The following HSD17B11 variants were observed in gnomAD, a reference collection of about 807,000 sequenced individuals.
The protein encoded by HSD17B11 is hydroxysteroid 17-beta dehydrogenase 11, also known as estradiol 17-beta-dehydrogenase 11.
In HSD17B11, 22 loss-of-function variants were observed where a neutral mutation model predicts 27.8. The observed-to-expected ratio is 0.79, with a 90% confidence interval of 0.56 to 1.13. The LOEUF is 1.13. HSD17B11 is among the 50% of genes most tolerant of loss of function. HSD17B11 has a pLI of 0.00. For synonymous variants in HSD17B11, 117 were observed against 132.8 expected (o/e 0.88, Z 0.82); for missense variants, 314 against 351.1 (o/e 0.89, Z 0.84).
At chr4:87,340,433 G>A in intron 6 of HSD17B11, 57 bp downstream of exon 6, 24 of 1,078,700 alleles carry the variant, frequency 2.2e-5, no homozygotes, top group Non-Finnish European at 3.1e-5. Context: ...AGTAAAAAAT[G>A]CAATAGATAA....
intron 1 of HSD17B11, among the ~76,000 whole-genome samples, chr4:87,389,194 TTAC>T (rs1720391445): frequency 6.6e-6 from 1 of 152,116 alleles, no homozygotes; most frequent in Non-Finnish European, 1.5e-5. Context: ...GCTCTTGTAA[TTAC>T]TTTTTTATTT....
At chr4:87,367,973 G>A (rs1260867216) in intron 4 of HSD17B11, among the ~76,000 whole-genome samples, 1 of 152,158 alleles carries the variant, frequency 6.6e-6, no homozygotes, top group Non-Finnish European at 1.5e-5. Flanking sequence ...CTTACTAAAT[G>A]TTTTCTTAAA....
intron 5 of HSD17B11, among the ~76,000 whole-genome samples, chr4:87,354,949 C>CAA (rs11305478): frequency 0.15 from 14,058 of 91,634 alleles, 1,011 homozygotes; most frequent in African/African-American, 0.21. Flanking sequence ...TCCTGGCTCT[C>CAA]AAAAAAAAAA....
At chr4:87,380,484 A>ATG (rs111503563) in intron 2 of HSD17B11, among the ~76,000 whole-genome samples, 1 of 138,644 alleles carries the variant, frequency 7.2e-6, no homozygotes, top group Non-Finnish European at 1.5e-5. Flanking sequence ...AAAAAAAAAA[A>ATG]AAAAGAAAAA....
chr4:87,343,311 T>C (rs1735205024), intron 5 of HSD17B11, among the ~76,000 whole-genome samples: 2 of 152,156 alleles, frequency 1.3e-5, no homozygotes, highest in African/African-American at 4.8e-5. Context: ...ACATTTTTTT[T>C]CCCAATACGC....
chr4:87,357,481 C>T (rs1315448000), intron 4 of HSD17B11, 65 bp from the exon 5 acceptor site: 1 of 1,485,720 alleles, frequency 6.7e-7, no homozygotes, highest in East Asian at 2.4e-5. Context: ...TTCCTCAGTT[C>T]AGCATGGTCC....
intron 4 of HSD17B11, among the ~76,000 whole-genome samples, chr4:87,363,224 G>C (rs1167632226): frequency 6.6e-6 from 1 of 152,076 alleles, no homozygotes; most frequent in Non-Finnish European, 1.5e-5. Context: ...CCAGAAGCCT[G>C]GCATGCCAGC....
chr4:87,384,153 C>T (rs576932362), intron 1 of HSD17B11, among the ~76,000 whole-genome samples: 6 of 152,232 alleles, frequency 3.9e-5, no homozygotes, highest in East Asian at 1.9e-4. Context: ...GCTGGAGCCG[C>T]GGCAAAGAAC....
intron 4 of HSD17B11, among the ~76,000 whole-genome samples, chr4:87,370,877 C>T (rs1467270023): frequency 5.6e-5 from 7 of 124,386 alleles, no homozygotes; most frequent in Admixed American, 4.9e-4. Flanking sequence ...CTCAGCCTCC[C>T]GAGTAGCTGG....
At chr4:87,363,316 AG>A (rs1392436160) in intron 4 of HSD17B11, among the ~76,000 whole-genome samples, 1 of 152,214 alleles carries the variant, frequency 6.6e-6, no homozygotes, top group Non-Finnish European at 1.5e-5. Flanking sequence ...AAAAAAAATC[AG>A]TGTTTATCAC....
At position 87,384,546 on chromosome 4, in the gene HSD17B11, C is replaced by T. The variant is rs185456596; in HGVS notation, c.211-2184G>A. Among the ~76,000 whole-genome samples, 403 of 152,190 alleles carry T rather than the reference C, an allele frequency of 2.6e-3. 4 individuals carry two copies. The highest frequency in any genetic ancestry group is 9.4e-3 in the African/African-American group (389 of 41,496). On this transcript the variant is annotated intron_variant, in intron 1 of 6. Transcript: ENST00000358290. ...TTCTTTTCCTAGCAAGGAATATTAA[C>T]ATTAATACCTTGGGAAAGGAATGCA...
chr4:87,380,122 AC>A (rs910881511), intron 2 of HSD17B11, among the ~76,000 whole-genome samples: 20 of 147,588 alleles, frequency 1.4e-4, no homozygotes, highest in East Asian at 6.0e-4. Flanking sequence ...AAAAAAAAAA[AC>A]GTTCTGATAC....
At chr4:87,359,134 C>T (rs1459415234) in intron 4 of HSD17B11, among the ~76,000 whole-genome samples, 3 of 152,268 alleles carry the variant, frequency 2.0e-5, no homozygotes, top group East Asian at 1.9e-4. Flanking sequence ...GAGGCCTCCC[C>T]AGCCACGCAG....
chr4:87,367,738 A>T (rs1370363157), intron 4 of HSD17B11, among the ~76,000 whole-genome samples: 1 of 152,238 alleles, frequency 6.6e-6, no homozygotes, highest in East Asian at 1.9e-4. Flanking sequence ...CTGTAAACCA[A>T]CCAGGGATCT....
chr4:87,378,860 A>ATG (rs1720011297), intron 2 of HSD17B11, among the ~76,000 whole-genome samples: 1 of 22,462 alleles, frequency 4.5e-5, no homozygotes. Context: ...ATATATAAAT[A>ATG]TATATAAATA....
At chr4:87,357,453 C>A in intron 4 of HSD17B11, 37 bp from the exon 5 acceptor site, 4 of 1,586,040 alleles carry the variant, frequency 2.5e-6, no homozygotes, top group Non-Finnish European at 3.4e-6. Flanking sequence ...TTCAAGAATT[C>A]TGAAATGTCT....
chr4:87,382,493 C>A, intron 1 of HSD17B11, 131 bp from the exon 2 acceptor site: 1 of 573,992 alleles, frequency 1.7e-6, no homozygotes, highest in South Asian at 3.1e-5. Context: ...AGATTGTTAA[C>A]AACACATTTT....
At chr4:87,372,593 A>G (rs6849846) in intron 4 of HSD17B11, 116 bp downstream of exon 4, 191,356 of 648,650 alleles carry the variant, frequency 0.3, 32,755 homozygotes, top group African/African-American at 0.54. Context: ...CTCAATAATA[A>G]ACTGGAAAAC....
At chr4:87,384,935 G>T (rs1308606955) in intron 1 of HSD17B11, among the ~76,000 whole-genome samples, 4 of 151,972 alleles carry the variant, frequency 2.6e-5, no homozygotes, top group Admixed American at 2.6e-4. Context: ...CATGATACGT[G>T]ATGTCACCCC....
Sources: gnomAD v4.1 joint callset for allele counts (sites outside exome capture counted in the v4.1 genomes callset) on GRCh38, gnomAD v4.1.1 for gene constraint, MANE v1.5 for transcripts, NCBI Gene and HGNC (gene_info 2026-07-23, HGNC 2026-07-21) for gene names.